ADGRD1: variants seen among roughly 807,000 people sequenced by gnomAD.
ADGRD1 encodes the protein adhesion G protein-coupled receptor D1.
ADGRD1 carries 77 observed loss-of-function variants against 113.4 expected under a neutral mutation model. The observed-to-expected ratio is 0.68, with a 90% confidence interval of 0.57 to 0.82. The LOEUF (loss-of-function observed/expected upper bound fraction) is 0.82. ADGRD1 is among the 40% of genes least tolerant of loss of function. The pLI is 0.00. For synonymous variants in ADGRD1, 474 were observed against 475.0 expected (o/e 1.00, Z 0.03); for missense variants, 1,036 against 1,139.1 (o/e 0.91, Z 1.30).
chr12:131,123,058 T>G (rs1479618553), intron 20 of ADGRD1, among the ~76,000 whole-genome samples: 35 of 132,684 alleles, frequency 2.6e-4, no homozygotes, highest in African/African-American at 6.9e-4. Context: ...TTTTTTTTTT[T>G]TTTTTTTTTT....
chr12:131,076,902 G>A (rs770463637), intron 14 of ADGRD1, 28 bp downstream of exon 14: 2 of 1,594,944 alleles, frequency 1.3e-6, no homozygotes, highest in Middle Eastern at 1.7e-4. Flanking sequence ...GAGAGCAGGT[G>A]GGCATGAGGT....
At chr12:131,064,198 G>A (rs1274664692) in intron 13 of ADGRD1, among the ~76,000 whole-genome samples, 1 of 152,192 alleles carries the variant, frequency 6.6e-6, no homozygotes, top group Non-Finnish European at 1.5e-5. Flanking sequence ...GGAATCCTCA[G>A]TACTATTTGA....
At chr12:131,021,465 T>C (rs1186177537) in intron 13 of ADGRD1, among the ~76,000 whole-genome samples, 1 of 152,214 alleles carries the variant, frequency 6.6e-6, no homozygotes, top group Non-Finnish European at 1.5e-5. Flanking sequence ...GCTGTGCGTC[T>C]TTGACAAGAA....
At chr12:131,046,987 T>C (rs1593116631) in intron 13 of ADGRD1, among the ~76,000 whole-genome samples, 1 of 126,478 alleles carries the variant, frequency 7.9e-6, no homozygotes, top group East Asian at 2.6e-4. Context: ...TGGTCAGCGC[T>C]CCCTCCCTGG....
intron 20 of ADGRD1, among the ~76,000 whole-genome samples, chr12:131,128,637 C>T (rs1226413020): frequency 6.6e-6 from 1 of 152,176 alleles, no homozygotes; most frequent in Non-Finnish European, 1.5e-5. Flanking sequence ...TCCCTGGTTT[C>T]CACCCTCCCT....
chr12:131,138,359 G>A, intron 24 of ADGRD1, 130 bp downstream of exon 24: 1 of 711,536 alleles, frequency 1.4e-6, no homozygotes, highest in East Asian at 2.7e-5. Flanking sequence ...CCCCTCTCAT[G>A]CCTGCAGGCT....
chr12:131,061,311 G>T (rs2137086655), intron 13 of ADGRD1, among the ~76,000 whole-genome samples: 1 of 152,228 alleles, frequency 6.6e-6, no homozygotes, highest in East Asian at 1.9e-4. Flanking sequence ...GTCCTCTTGG[G>T]ATCAGTAGCC....
chr12:131,014,627 TAAC>T (rs1878348763), intron 13 of ADGRD1, among the ~76,000 whole-genome samples: 1 of 152,214 alleles, frequency 6.6e-6, no homozygotes, highest in South Asian at 2.1e-4. Context: ...TCCTCATTTA[TAAC>T]AAGTGTCCTT....
chr12:130,989,895 A>T (rs1367281040), intron 6 of ADGRD1: 1 of 152,320 alleles, frequency 6.6e-6, no homozygotes, highest in African/African-American at 2.4e-5. Flanking sequence ...AGGAGGAAGA[A>T]GGTTATGTTC....
In ADGRD1 at chr12:130,971,800, C is replaced by A. The variant is rs1268498436; in HGVS notation, c.310+220C>A. ...GGCTGGAAGTTATAACATCCTCTTACAGAGATGTGAGATCAAAATACTTAA... is the reference window on the plus strand; with the variant it reads ...GGCTGGAAGTTATAACATCCTCTTAAAGAGATGTGAGATCAAAATACTTAA... On this transcript the variant is annotated intron_variant, in intron 4 of 24. Transcript: ENST00000261654. This position sits in a 1 kb window ranked among gnomAD's most constrained non-coding sequence, Gnocchi z 4.2. Among the ~76,000 whole-genome samples the A allele has an allele frequency of 6.6e-6, 1 of 152,102 alleles. No homozygotes were observed. Among genetic ancestry groups the A allele is most frequent in the African/African-American group, 2.4e-5 (1 of 41,434 alleles).
intron 15 of ADGRD1, among the ~76,000 whole-genome samples, chr12:131,100,004 T>C (rs1416635461): frequency 6.6e-6 from 1 of 152,012 alleles, no homozygotes; most frequent in Non-Finnish European, 1.5e-5. Flanking sequence ...TGGTTGAAGA[T>C]AGGGTTGGTT....
chr12:130,997,195 C>CCA lies in ADGRD1; in HGVS notation c.967-3187_967-3186insAC, dbSNP rs1555241599. 9.8e-5 allele frequency among the ~76,000 whole-genome samples: 14 copies of CCA among 142,736 alleles called. 1 individual carries two copies. Among genetic ancestry groups the CCA allele is most frequent in the African/African-American group, 2.9e-4 (11 of 38,398 alleles). 93.6% of individuals were successfully genotyped at this position (142,736 alleles called of 152,430 possible). A position where few individuals can be genotyped will look rare whatever the true frequency, so the allele number is the denominator to read the frequency against. On this transcript the variant is annotated intron_variant, in intron 8 of 24. Coordinates refer to ENST00000261654, the MANE Select transcript of ADGRD1 (RefSeq NM_198827.5). ...TTGCCGGGCGGGGGGCTGACCCCCC[C>CCA]CCCCGGACGGGGCAGCTGGCCGGGC...
rs183472541 is a variant in ADGRD1, at chr12:131,060,739, G to T, written c.1474-16062G>T. Among the ~76,000 whole-genome samples, 112 of 152,272 alleles carry T rather than the reference G, an allele frequency of 7.4e-4. No individual in the cohort carries two copies. The highest frequency in any genetic ancestry group is 2.6e-3 in the African/African-American group (110 of 41,542). Reference sequence around the variant, plus strand: ...CCTCACGTATCAGTAGCTACCCCTGGATTCTTTTGATCAAAAACTTTGGGA... The same window carrying T: ...CCTCACGTATCAGTAGCTACCCCTGTATTCTTTTGATCAAAAACTTTGGGA... On this transcript the variant is annotated intron_variant, in intron 13 of 24. Transcript: ENST00000261654. This position sits in a 1 kb window ranked among gnomAD's most constrained non-coding sequence, Gnocchi z 4.4.
chr12:130,962,542 TGA>T (rs1398030083), intron 2 of ADGRD1: 2 of 152,326 alleles, frequency 1.3e-5, no homozygotes, highest in Non-Finnish European at 2.9e-5. Context: ...CTCTTCAAAA[TGA>T]ATATCCTAGA....
chr12:131,002,383 C>A, intron 9 of ADGRD1: 1 of 356,504 alleles, frequency 2.8e-6, no homozygotes, highest in Non-Finnish European at 3.9e-6. Context: ...GGCTATGGGC[C>A]TAAAAGCAAA....
At chr12:131,068,423 C>T (rs996639306) in intron 13 of ADGRD1, among the ~76,000 whole-genome samples, 3 of 152,062 alleles carry the variant, frequency 2.0e-5, no homozygotes, top group African/African-American at 4.8e-5. Flanking sequence ...GACAGAGGGG[C>T]GGGGAGGGAA....
intron 4 of ADGRD1, among the ~76,000 whole-genome samples, chr12:130,975,377 T>C (rs1339836217): frequency 2.6e-5 from 4 of 152,220 alleles, no homozygotes; most frequent in Non-Finnish European, 5.9e-5. Context: ...TGGCCAGTGA[T>C]GAGTTCTCAG....
chr12:131,000,573 T>C, intron 9 of ADGRD1, 131 bp downstream of exon 9: 1 of 624,936 alleles, frequency 1.6e-6, no homozygotes, highest in South Asian at 1.5e-5. Flanking sequence ...AAACCCCATC[T>C]CTACTAAAAA....
intron 23 of ADGRD1, among the ~76,000 whole-genome samples, chr12:131,137,363 AGAG>A (rs1367832027): frequency 1.3e-5 from 2 of 152,350 alleles, no homozygotes; most frequent in Middle Eastern, 3.4e-3. Flanking sequence ...GGAGCTGGGA[AGAG>A]GAGTTTTGTG....
Sources: gnomAD v4.1 joint callset for allele counts (sites outside exome capture counted in the v4.1 genomes callset) on GRCh38, gnomAD v4.1.1 for gene constraint, Gnocchi (gnomAD v3.1) non-coding constraint, MANE v1.5 for transcripts, NCBI Gene and HGNC (gene_info 2026-07-23, HGNC 2026-07-21) for gene names.